The following SSX3 variants were observed in gnomAD, a reference collection of about 807,000 sequenced individuals.
SSX3 encodes protein SSX3.
Under a neutral mutation model 14.8 loss-of-function variants are expected in SSX3, and 6 were observed. The ratio of observed to expected loss-of-function variants is 0.41; its 90% confidence interval spans 0.22 to 0.80. The LOEUF (loss-of-function observed/expected upper bound fraction) is 0.80. Ranked by LOEUF, SSX3 falls within the 30% of genes least tolerant of loss-of-function variation. The pLI is 0.34. For missense variants in SSX3, 163 were observed against 152.2 expected (o/e 1.07, Z -0.37); for synonymous variants, 55 against 52.9 (o/e 1.04, Z -0.18).
intron 2 of SSX3, 153 bp downstream of exon 2, chrX:48,355,028 A>G (rs1556950746): frequency 1.3e-6 from 1 of 752,235 alleles, no homozygotes; most frequent in Non-Finnish European, 1.6e-6. Flanking sequence ...ATGCTAGGTG[A>G]TGACAGAGTG....
Position 48,346,693 on chromosome X carries a change from G to A in SSX3, c.*347C>T. ...GAACTGCCCTCAGTAGTCACATCTA[G>A]GGAGAGAGGAGGGTAATGCTGTTCC... On this transcript the variant is annotated 3_prime_UTR_variant, in exon 8 of 8. Coordinates refer to ENST00000298396, the MANE Select transcript of SSX3 (RefSeq NM_021014.4). The A allele has an allele frequency of 2.7e-6, 1 of 373,326 alleles. No homozygotes were observed. The highest frequency in any genetic ancestry group is 4.8e-6 in the Non-Finnish European group (1 of 210,326). 30.8% of individuals were successfully genotyped at this position (373,326 alleles called of 1,213,427 possible). A position where few individuals can be genotyped will look rare whatever the true frequency, so the allele number is the denominator to read the frequency against.
At chrX:48,352,234 C>A (rs1339775045) in intron 4 of SSX3, 85 bp from the exon 5 acceptor site, 24 of 1,052,832 alleles carry the variant, frequency 2.3e-5, no homozygotes, top group Non-Finnish European at 3.2e-5. Context: ...GGGTATTCTG[C>A]AGCAGAGGCT....
At position 48,354,860 on chromosome X, in the gene SSX3, T is replaced by C. The variant is rs1255373076; in HGVS notation, c.70-114A>G. On this transcript the variant is annotated intron_variant, in intron 2 of 7. Coordinates refer to ENST00000298396, the MANE Select transcript of SSX3 (RefSeq NM_021014.4). ...GGGAAGTGGGGATAATCCTTCCTGG[T>C]TGATGCCACGGCTAACTGACAGAAC... is the stretch of plus-strand genomic sequence containing the variant. 6.7e-6 allele frequency: 8 copies of C among 1,192,528 alleles called. No homozygotes were observed. The African/African-American group carries it at 1.4e-4, about 21-fold the overall frequency.
intron 6 of SSX3, among the ~76,000 whole-genome samples, chrX:48,348,650 G>C (rs1434403027): frequency 9.6e-6 from 1 of 104,147 alleles, no homozygotes; most frequent in Admixed American, 9.7e-5. Context: ...TGAATGCAAA[G>C]AAAAGTTCTT....
Position 48,346,791 on chromosome X carries a change from T to C in SSX3, c.*249A>G, listed in dbSNP as rs2061241274. 1.9e-6 allele frequency: 1 copy of C among 517,591 alleles called. No homozygotes were observed. The highest frequency in any genetic ancestry group is 3.2e-6 in the Non-Finnish European group (1 of 313,385). The allele number at this position is 517,591 out of a possible 1,213,427, so 42.7% of individuals were successfully genotyped here. A position where few individuals can be genotyped will look rare whatever the true frequency, so the allele number is the denominator to read the frequency against. ...TACACAAACCAAAATATGCATTAAG[T>C]ATGTCTTGCTCATCAGTGAAAATGT... On this transcript the variant is annotated 3_prime_UTR_variant, in exon 8 of 8. Transcript: ENST00000298396.
chrX:48,352,697 A>G (rs2061268157), intron 4 of SSX3, among the ~76,000 whole-genome samples: 1 of 112,424 alleles, frequency 8.9e-6, no homozygotes. Context: ...TGGCCTGTTT[A>G]GTTGGCGAGT....
At chrX:48,348,955 C>T (rs1200439469) in intron 6 of SSX3, among the ~76,000 whole-genome samples, 1 of 112,020 alleles carries the variant, frequency 8.9e-6, no homozygotes, top group Non-Finnish European at 1.9e-5. Context: ...GGAAAGAAGC[C>T]GTCTCTATAA....
At position 48,354,034 on chromosome X, in the gene SSX3, T is replaced by G; in HGVS notation, c.245A>C (p.Asn82Thr). Residue 82 changes from asparagine (N) to threonine (T), a missense_variant, in exon 4 of 8, where the codon AAT becomes ACT. By Grantham distance (65) the Asn-to-Thr change is moderately conservative. Transcript: ENST00000298396. ...ACGGTTAGGGTCATTATCAAAATCA[T>G]TCCCCTGGAAGTCTGTGACCCGTTT... ...RNKRVTDFQGNDFDNDPNRGN... is the reference protein window; with the variant it reads ...RNKRVTDFQGTDFDNDPNRGN... The G allele has an allele frequency of 8.3e-7, 1 of 1,209,710 alleles. No individual in the cohort carries two copies. Among genetic ancestry groups the G allele is most frequent in the Non-Finnish European group, 1.1e-6 (1 of 894,434 alleles).
chrX:48,355,755 G>C (rs1400716907), intron 1 of SSX3, among the ~76,000 whole-genome samples: 1 of 111,684 alleles, frequency 9.0e-6, no homozygotes, highest in African/African-American at 3.3e-5. Flanking sequence ...AGAGAAATGA[G>C]CATCGCTAAT....
chrX:48,347,828 C>T (rs1601979454), intron 6 of SSX3, among the ~76,000 whole-genome samples: 1 of 112,430 alleles, frequency 8.9e-6, no homozygotes, highest in East Asian at 2.8e-4. Context: ...CCTTCTCAGG[C>T]TTAGATTCCC....
intron 7 of SSX3, 88 bp from the exon 8 acceptor site, chrX:48,347,123 C>T: frequency 9.0e-7 from 1 of 1,105,297 alleles, no homozygotes; most frequent in South Asian, 1.8e-5. Flanking sequence ...CCTGCAGACC[C>T]TGCACACTCC....
chrX:48,350,241 GT>G, intron 5 of SSX3, 119 bp from the exon 6 acceptor site: 1 of 1,053,324 alleles, frequency 9.5e-7, no homozygotes, highest in Non-Finnish European at 1.3e-6. Context: ...CACTGGGAGA[GT>G]TACACAGGCC....
At chrX:48,351,259 C>T (rs1168527261) in intron 5 of SSX3, among the ~76,000 whole-genome samples, 1 of 111,940 alleles carries the variant, frequency 8.9e-6, no homozygotes, top group African/African-American at 3.2e-5. Context: ...GATCCCTTTA[C>T]CCTCCAAACC....
chrX:48,351,474 C>T (rs1410800444), intron 5 of SSX3, among the ~76,000 whole-genome samples: 1 of 112,224 alleles, frequency 8.9e-6, no homozygotes, highest in African/African-American at 3.2e-5. Flanking sequence ...CTTCCTGTTG[C>T]GAGAGTGGGT....
chrX:48,352,980 T>C (rs1427501458), intron 4 of SSX3, among the ~76,000 whole-genome samples: 1 of 111,822 alleles, frequency 8.9e-6, no homozygotes, highest in Non-Finnish European at 1.9e-5. Context: ...GAAGACTATT[T>C]GGTTTTGATA....
intron 4 of SSX3, among the ~76,000 whole-genome samples, chrX:48,353,495 C>T (rs2061272053): frequency 9.0e-6 from 1 of 111,066 alleles, no homozygotes; most frequent in Non-Finnish European, 1.9e-5. Context: ...TGTGGGGGCA[C>T]GTGCGTGTAA....
chrX:48,352,952 A>T (rs1390597586), intron 4 of SSX3, among the ~76,000 whole-genome samples: 1 of 111,608 alleles, frequency 9.0e-6, no homozygotes, highest in Admixed American at 9.6e-5. Flanking sequence ...ACAGAGAATC[A>T]GGGTTATTTG....
chrX:48,349,691 T>C lies in SSX3; in HGVS notation c.466+296A>G. The C allele has an allele frequency of 1.0e-5, 12 of 1,160,084 alleles. No individual in the cohort carries two copies. In the East Asian group the frequency reaches 3.3e-4, roughly 32 times the overall value. The stretch of plus-strand genomic sequence containing the variant: ...ATGTCATCAGGCCTTCTAGATTAAA[T>C]TTAATGTCTCCAAACAATTTATGAA... On this transcript the variant is annotated intron_variant, in intron 6 of 7. Coordinates refer to ENST00000298396, the MANE Select transcript of SSX3 (RefSeq NM_021014.4).
At chrX:48,355,336 T>C in intron 1 of SSX3, 67 bp from the exon 2 acceptor site, 1 of 1,023,776 alleles carries the variant, frequency 9.8e-7, no homozygotes, top group Non-Finnish European at 1.4e-6. Context: ...GAGAAATCAG[T>C]GAAGGCCGGC....
Sources: gnomAD v4.1 joint callset for allele counts (sites outside exome capture counted in the v4.1 genomes callset) on GRCh38, gnomAD v4.1.1 for gene constraint, MANE v1.5 for transcripts, NCBI Gene and HGNC (gene_info 2026-07-23, HGNC 2026-07-21) for gene names.